Variants in EIF4G3 observed in about 807,000 individuals in gnomAD.
EIF4G3 encodes the protein eIF-4-gamma 3.
A neutral mutation model predicts 186.4 loss-of-function variants in EIF4G3; 34 were observed. The ratio of observed to expected loss-of-function variants is 0.18; its 90% CI spans 0.14 to 0.24. The LOEUF (loss-of-function observed/expected upper bound fraction) is 0.24, where lower values mean the gene tolerates loss of function less well. Among genes scored for constraint, EIF4G3 ranks in the 10% least tolerant of loss-of-function variants. The pLI, the probability that EIF4G3 is intolerant of heterozygous loss-of-function variation, is 1.00. For missense variants in EIF4G3, 1,536 were observed against 1,948.5 expected (o/e 0.79, Z 3.99); for synonymous variants, 673 against 679.5 (o/e 0.99, Z 0.15).
intron 36 of EIF4G3, among the ~76,000 whole-genome samples, chr1:20,807,887 T>C (rs893038557): frequency 2.1e-5 from 3 of 145,464 alleles, no homozygotes; most frequent in African/African-American, 7.5e-5. Flanking sequence ...CTCAGCCTCC[T>C]AAGTACCTGG....
intron 2 of EIF4G3, among the ~76,000 whole-genome samples, chr1:21,140,645 ATAAAAT>A (rs1033944939): frequency 2.4e-4 from 37 of 152,348 alleles, no homozygotes; most frequent in Admixed American, 5.9e-4. Context: ...TTATAAAAAG[ATAAAAT>A]TAAAGTAAGC....
At chr1:20,824,411 T>C (rs2063115100) in intron 33 of EIF4G3, among the ~76,000 whole-genome samples, 1 of 152,248 alleles carries the variant, frequency 6.6e-6, no homozygotes, top group South Asian at 2.1e-4. Flanking sequence ...CCTGATTTTG[T>C]TGGCTGTCTT....
At chr1:21,056,378 C>A (rs1196139746) in intron 3 of EIF4G3, among the ~76,000 whole-genome samples, 2 of 152,060 alleles carry the variant, frequency 1.3e-5, no homozygotes, top group African/African-American at 4.8e-5. Flanking sequence ...CAAATAAGAT[C>A]CTCTATTACA....
chr1:20,933,826 T>C (rs2095424118), intron 14 of EIF4G3, among the ~76,000 whole-genome samples: 1 of 152,222 alleles, frequency 6.6e-6, no homozygotes, highest in Admixed American at 6.5e-5. Flanking sequence ...GTGACTGGTT[T>C]AGTATTGGAT....
At chr1:20,876,461 C>A (rs6426649) in intron 20 of EIF4G3, among the ~76,000 whole-genome samples, 47,260 of 134,922 alleles carry the variant, frequency 0.35, 8,231 homozygotes, top group Non-Finnish European at 0.41. Flanking sequence ...AAAAAAAAAA[C>A]AAACTGAAAA....
At chr1:20,915,599 G>T (rs570637886) in intron 14 of EIF4G3, among the ~76,000 whole-genome samples, 11 of 152,142 alleles carry the variant, frequency 7.2e-5, no homozygotes, top group African/African-American at 2.4e-4. Context: ...TTTCAAATAA[G>T]CAGTTAATAA....
intron 2 of EIF4G3, among the ~76,000 whole-genome samples, chr1:21,114,824 G>C (rs1244181396): frequency 6.6e-6 from 1 of 152,074 alleles, no homozygotes; most frequent in Non-Finnish European, 1.5e-5. Context: ...GTTATTATTA[G>C]CTCGGTTTGG....
intron 35 of EIF4G3, among the ~76,000 whole-genome samples, chr1:20,811,229 C>G (rs1468860442): frequency 6.6e-6 from 1 of 152,224 alleles, no homozygotes; most frequent in Non-Finnish European, 1.5e-5. Flanking sequence ...GCTGGGATTA[C>G]AGGCATGAGC....
At chr1:20,876,222 CAAAAAAAAAAAA>C (rs34150070) in intron 20 of EIF4G3, among the ~76,000 whole-genome samples, 2 of 13,978 alleles carry the variant, frequency 1.4e-4, no homozygotes, top group East Asian at 2.1e-3. Flanking sequence ...GAGCCTGTCT[CAAAAAAAAAAAA>C]AAAAAAAAAA....
At chr1:21,135,209 A>C (rs1209784286) in intron 2 of EIF4G3, among the ~76,000 whole-genome samples, 1 of 152,230 alleles carries the variant, frequency 6.6e-6, no homozygotes, top group Non-Finnish European at 1.5e-5. Flanking sequence ...GTGAAAATTA[A>C]ACAGGGTAGG....
chr1:21,021,617 G>A (rs896099626), intron 4 of EIF4G3, among the ~76,000 whole-genome samples: 1 of 152,034 alleles, frequency 6.6e-6, no homozygotes, highest in African/African-American at 2.4e-5. Context: ...GTGCAGGGGT[G>A]CAATCTCGGC....
chr1:21,127,693 T>A (rs1414050432), intron 2 of EIF4G3, among the ~76,000 whole-genome samples: 1 of 152,138 alleles, frequency 6.6e-6, no homozygotes, highest in South Asian at 2.1e-4. Flanking sequence ...GCATCTTACA[T>A]TGTACTACAA....
chr1:21,166,747 A>AAAAT (rs1294690002), intron 2 of EIF4G3, among the ~76,000 whole-genome samples: 1 of 152,026 alleles, frequency 6.6e-6, no homozygotes, highest in Non-Finnish European at 1.5e-5. Context: ...ATAAATAAAT[A>AAAAT]AAATAAATAA....
At chr1:20,857,548 C>T (rs2075315897) in intron 24 of EIF4G3, 51 bp from the exon 25 acceptor site, 2 of 1,446,490 alleles carry the variant, frequency 1.4e-6, no homozygotes, top group Middle Eastern at 1.7e-4. Flanking sequence ...GTCAGTTTTA[C>T]ATTGAAAGAG....
At chr1:20,976,988 A>G (rs1287801913) in intron 10 of EIF4G3, among the ~76,000 whole-genome samples, 1 of 152,174 alleles carries the variant, frequency 6.6e-6, no homozygotes, top group African/African-American at 2.4e-5. Context: ...GATGCCCATG[A>G]ATATAGTATG....
chr1:21,100,251 T>G (rs2096486521), intron 2 of EIF4G3, among the ~76,000 whole-genome samples: 1 of 152,122 alleles, frequency 6.6e-6, no homozygotes, highest in Non-Finnish European at 1.5e-5. Context: ...CTGGGTTTCT[T>G]TTTGAGATAA....
chr1:20,969,364 G>T, intron 12 of EIF4G3, 110 bp downstream of exon 12: 2 of 1,307,294 alleles, frequency 1.5e-6, no homozygotes, highest in Non-Finnish European at 2.1e-6. Flanking sequence ...TCGAGGCTGC[G>T]AGACAACTGA....
At chr1:21,125,769 T>TACACAC (rs1474018412) in intron 2 of EIF4G3, among the ~76,000 whole-genome samples, 1 of 114,492 alleles carries the variant, frequency 8.7e-6, no homozygotes, top group African/African-American at 3.5e-5. Context: ...TTTATATATA[T>TACACAC]ATACACACAC....
At chr1:20,869,255 C>A (rs892532486) in intron 20 of EIF4G3, among the ~76,000 whole-genome samples, 4 of 151,730 alleles carry the variant, frequency 2.6e-5, no homozygotes, top group African/African-American at 9.7e-5. Flanking sequence ...GCAAATGGCA[C>A]CTCTGTGCTA....
Sources: allele counts gnomAD v4.1 joint callset (sites outside exome capture counted in the v4.1 genomes callset), GRCh38; gene constraint gnomAD v4.1.1; transcripts MANE v1.5; gene names NCBI Gene and HGNC (gene_info 2026-07-23, HGNC 2026-07-21).